The following SLIT2 variants were observed in gnomAD, a reference collection of about 807,000 sequenced individuals.
SLIT2 encodes slit guidance ligand 2, also known as slit homolog 2 protein.
In SLIT2, 41 loss-of-function variants were observed where a neutral mutation model predicts 185.7. The observed-to-expected ratio is 0.22, with a 90% CI of 0.17 to 0.29. SLIT2 has a LOEUF of 0.29. SLIT2 is among the 10% of genes least tolerant of loss of function. The probability of loss-of-function intolerance (pLI) is 1.00; values close to 1 mark genes in which losing one functional copy is unlikely to be tolerated. For missense variants in SLIT2, 1,571 were observed against 1,909.0 expected, an observed-to-expected ratio of 0.82 and a Z score of 3.30; for synonymous variants, 693 against 680.2, an observed-to-expected ratio of 1.02 and a Z score of -0.29.
At position 20,539,442 on chromosome 4, in the gene SLIT2, A is replaced by G. The variant is rs1355857733; in HGVS notation, c.1834A>G (p.Met612Val). The change falls in exon 19 of 37, where the codon ATG becomes GTG. Residue 612 changes from methionine to valine, a missense_variant and splice_region_variant. This residue lies in a region of SLIT2 where 1,202 missense variants were observed against 1,416.4 expected (regional missense o/e 0.85). Transcript: ENST00000504154. The part of the protein sequence containing the change: ...FKGLESLKTL[M>V]LRSNRITCVG... ...ACAATGTCCTTTTTTTCCCCTCAGG[A>G]TGTTGAGAAGCAATCGAATAACCTG... is the stretch of plus-strand genomic sequence containing the variant. The G allele has an allele frequency of 6.2e-7, 1 of 1,609,836 alleles. No homozygotes were observed.
At chr4:20,541,906 G>C (rs977674609) in intron 20 of SLIT2, among the ~76,000 whole-genome samples, 1 of 151,972 alleles carries the variant, frequency 6.6e-6, no homozygotes, top group African/African-American at 2.4e-5. Flanking sequence ...ATTACCCTAG[G>C]CATGTTTTTT....
At chr4:20,520,567 C>T (rs1051023363) in intron 12 of SLIT2, among the ~76,000 whole-genome samples, 1 of 152,006 alleles carries the variant, frequency 6.6e-6, no homozygotes, top group Non-Finnish European at 1.5e-5. Flanking sequence ...ATTCCTAATC[C>T]CACAATCTTC....
chr4:20,600,864 AT>A (rs1214318123), intron 33 of SLIT2, among the ~76,000 whole-genome samples: 1 of 151,838 alleles, frequency 6.6e-6, no homozygotes, highest in African/African-American at 2.4e-5. Context: ...AGAGGCAACA[AT>A]TACCAAGAAT....
intron 5 of SLIT2, among the ~76,000 whole-genome samples, chr4:20,471,404 G>A (rs1037200339): frequency 2.0e-5 from 3 of 151,980 alleles, no homozygotes; most frequent in Non-Finnish European, 4.4e-5. Flanking sequence ...ATTAATATTA[G>A]CATTATTAAT....
intron 3 of SLIT2, among the ~76,000 whole-genome samples, chr4:20,263,340 G>A (rs768344311): frequency 2.6e-5 from 4 of 151,688 alleles, no homozygotes; most frequent in African/African-American, 4.8e-5. Context: ...ATTGCTTTAC[G>A]ATAATATTTA....
chr4:20,614,273 A>G (rs1729466313), intron 34 of SLIT2, among the ~76,000 whole-genome samples: 1 of 152,226 alleles, frequency 6.6e-6, no homozygotes, highest in Admixed American at 6.5e-5. Flanking sequence ...CCATGCATGG[A>G]AATCCATGTA....
chr4:20,303,427 G>A (rs555292033), intron 4 of SLIT2, among the ~76,000 whole-genome samples: 1 of 151,736 alleles, frequency 6.6e-6, no homozygotes, highest in African/African-American at 2.4e-5. Context: ...GAAGCTCTGA[G>A]GTCTTAAAGC....
chr4:20,406,476 G>A (rs1292232294), intron 4 of SLIT2, among the ~76,000 whole-genome samples: 3 of 143,200 alleles, frequency 2.1e-5, no homozygotes, highest in African/African-American at 7.3e-5. Context: ...CAATAAAAAC[G>A]AAAGAGAGGA....
In SLIT2 at chr4:20,576,319, T is replaced by C. The variant is rs537794279; in HGVS notation, c.3088+7315T>C. Among the ~76,000 whole-genome samples, 32 of 152,288 alleles carry C rather than the reference T, an allele frequency of 2.1e-4. 1 individual carries two copies. In the South Asian group the frequency reaches 6.0e-3, roughly 29 times the overall value. ...ATTGTTCAGTATTGTCTGTCTTTAT[T>C]ATTATTGTTTTTAATTGTACTTTGT... On this transcript the variant is annotated intron_variant, in intron 29 of 36. Transcript: ENST00000504154.
At chr4:20,295,591 A>T (rs1478776386) in intron 4 of SLIT2, among the ~76,000 whole-genome samples, 1 of 152,148 alleles carries the variant, frequency 6.6e-6, no homozygotes, top group Non-Finnish European at 1.5e-5. Flanking sequence ...TTGCCAATTA[A>T]TCCAGTCCCT....
chr4:20,385,843 A>G (rs1368588120), intron 4 of SLIT2, among the ~76,000 whole-genome samples: 1 of 151,724 alleles, frequency 6.6e-6, no homozygotes, highest in African/African-American at 2.4e-5. Flanking sequence ...ATAAAACCAT[A>G]CAGTTTCTTT....
intron 4 of SLIT2, among the ~76,000 whole-genome samples, chr4:20,271,619 G>A (rs532334151): frequency 3.2e-4 from 48 of 150,494 alleles, no homozygotes; most frequent in African/African-American, 1.1e-3. Context: ...TCCGAGATAC[G>A]AATTAATGTT....
At chr4:20,423,085 T>G (rs1243163805) in intron 4 of SLIT2, among the ~76,000 whole-genome samples, 1 of 152,156 alleles carries the variant, frequency 6.6e-6, no homozygotes, top group Non-Finnish European at 1.5e-5. Flanking sequence ...TACCCCCATG[T>G]TTCTTTCATG....
chr4:20,518,239 G>A (rs1449205944), intron 11 of SLIT2, among the ~76,000 whole-genome samples: 43 of 85,226 alleles, frequency 5.0e-4, no homozygotes, highest in Admixed American at 1.2e-3. Context: ...ATGTGTGTGT[G>A]TATATATATA....
At chr4:20,442,514 A>C (rs1729839314) in intron 4 of SLIT2, among the ~76,000 whole-genome samples, 1 of 119,598 alleles carries the variant, frequency 8.4e-6, no homozygotes, top group Non-Finnish European at 1.7e-5. Flanking sequence ...ACAGAGGGAG[A>C]CTCTGTCTCA....
chr4:20,428,797 G>A (rs1275784716), intron 4 of SLIT2, among the ~76,000 whole-genome samples: 1 of 152,146 alleles, frequency 6.6e-6, no homozygotes, highest in East Asian at 1.9e-4. Flanking sequence ...TAATGGAAGG[G>A]CATTTGTACA....
At position 20,608,091 on chromosome 4, in the gene SLIT2, C is replaced by T. The variant is rs566596940; in HGVS notation, c.3693-1922C>T. ...ATTGAATTATTTGTATCATGATGAT[C>T]GTGGTTGGGTGGGGGACCGATATGA... On this transcript the variant is annotated intron_variant, in intron 33 of 36. Coordinates refer to ENST00000504154, the MANE Select transcript of SLIT2 (RefSeq NM_004787.4). Among the ~76,000 whole-genome samples the T allele has an allele frequency of 5.3e-5, 8 of 152,062 alleles. No homozygotes were observed. In the South Asian group the frequency reaches 1.2e-3, roughly 24 times the overall value.
intron 4 of SLIT2, among the ~76,000 whole-genome samples, chr4:20,285,881 A>G (rs1577369576): frequency 6.6e-6 from 1 of 152,226 alleles, no homozygotes; most frequent in African/African-American, 2.4e-5. Flanking sequence ...CATTCTACAA[A>G]GAGAACTATT....
Position 20,484,325 on chromosome 4 carries a change from G to C in SLIT2, c.540-1875G>C, listed in dbSNP as rs551809021. Among the ~76,000 whole-genome samples the C allele has an allele frequency of 6.6e-6, 1 of 152,198 alleles. No individual in the cohort carries two copies. Among genetic ancestry groups the C allele is most frequent in the South Asian group, 2.1e-4 (1 of 4,826 alleles). On this transcript the variant is annotated intron_variant, in intron 6 of 36. Transcript: ENST00000504154. The surrounding 1 kb of genome is among the most constrained non-coding windows in gnomAD (Gnocchi z 4.3). ...GTTTAACCTTTGCATTCAAACATCA[G>C]GATATATTTTAATGGCATTTGAAAA...
Sources: allele counts gnomAD v4.1 joint callset (sites outside exome capture counted in the v4.1 genomes callset), GRCh38; gene constraint gnomAD v4.1.1; regional missense constraint gnomAD v4.1.1; non-coding constraint Gnocchi (gnomAD v3.1); transcripts MANE v1.5; gene names NCBI Gene and HGNC (gene_info 2026-07-23, HGNC 2026-07-21).